Variants in ACADL observed in about 807,000 individuals in gnomAD.
ACADL encodes the protein acyl-CoA dehydrogenase long chain.
A neutral mutation model predicts 56.9 loss-of-function variants in ACADL; 60 were observed. That is an observed-to-expected ratio of 1.05 (90% CI 0.86 to 1.31). The LOEUF is 1.31. Ranked by LOEUF, ACADL falls within the 50% of genes most tolerant of loss-of-function variation. The pLI is 0.00. For synonymous variants in ACADL, 158 were observed against 179.7 expected (o/e 0.88, Z 0.97); for missense variants, 484 against 525.5 (o/e 0.92, Z 0.77).
intron 2 of ACADL, chr2:210,218,325 G>C (rs1689123368): frequency 4.5e-6 from 2 of 441,966 alleles, no homozygotes; most frequent in East Asian, 8.8e-5. Flanking sequence ...CTGTCACCCA[G>C]GCTGGTGTGC....
At chr2:210,190,901 T>TTTG (rs1158751817) in intron 10 of ACADL, among the ~76,000 whole-genome samples, 686 of 139,596 alleles carry the variant, frequency 4.9e-3, no homozygotes, top group East Asian at 0.015. Flanking sequence ...ATGTGGCTTT[T>TTTG]TTGTTGTTGT....
At chr2:210,211,675 T>C (rs62202972) in intron 4 of ACADL, among the ~76,000 whole-genome samples, 132,395 of 152,108 alleles carry the variant, frequency 0.87, 57,898 homozygotes, top group East Asian at 1. Context: ...GTAAGTTTCC[T>C]GAGGCCTCCC....
At chr2:210,215,463 A>G (rs1689070701) in intron 4 of ACADL, among the ~76,000 whole-genome samples, 1 of 152,296 alleles carries the variant, frequency 6.6e-6, no homozygotes, top group South Asian at 2.1e-4. Flanking sequence ...AGATTTCTTT[A>G]AAACTCTCAA....
intron 1 of ACADL, among the ~76,000 whole-genome samples, chr2:210,222,383 TTGG>T (rs1689189403): frequency 1.3e-5 from 2 of 151,682 alleles, no homozygotes; most frequent in Admixed American, 1.3e-4. Context: ...TAGGCGGGGC[TTGG>T]TGGCTCACAC....
At chr2:210,203,184 C>T (rs1271380848) in intron 8 of ACADL, 147 bp downstream of exon 8, 4 of 679,252 alleles carry the variant, frequency 5.9e-6, no homozygotes, top group Non-Finnish European at 8.1e-6. Flanking sequence ...GTCTTACTCT[C>T]TACTATCTCT....
At chr2:210,220,537 A>G in intron 2 of ACADL, 110 bp downstream of exon 2, 4 of 998,718 alleles carry the variant, frequency 4.0e-6, no homozygotes, top group East Asian at 2.5e-5. Context: ...AAAAATGTTA[A>G]TAAAGCCCTG....
intron 8 of ACADL, among the ~76,000 whole-genome samples, chr2:210,203,084 C>T (rs1485670145): frequency 6.6e-6 from 1 of 152,168 alleles, no homozygotes; most frequent in Non-Finnish European, 1.5e-5. Flanking sequence ...CTTACAGGCT[C>T]CTCCTTTTCA....
At chr2:210,214,442 C>T (rs16844213) in intron 4 of ACADL, among the ~76,000 whole-genome samples, 127,863 of 148,784 alleles carry the variant, frequency 0.86, 55,277 homozygotes, top group East Asian at 1. Flanking sequence ...ACTATATCCT[C>T]TCATGACTTT....
chr2:210,220,543 C>A, intron 2 of ACADL, 104 bp downstream of exon 2: 1 of 1,043,976 alleles, frequency 9.6e-7, no homozygotes, highest in Non-Finnish European at 1.5e-6. Flanking sequence ...GTTAATAAAG[C>A]CCTGAACATA....
intron 5 of ACADL, among the ~76,000 whole-genome samples, chr2:210,209,009 A>G (rs1575677206): frequency 1.3e-5 from 2 of 152,318 alleles, no homozygotes; most frequent in East Asian, 3.9e-4. Flanking sequence ...TTCACTTCTG[A>G]CCAAATATCC....
chr2:210,195,636 G>T (rs1688698799), intron 8 of ACADL, among the ~76,000 whole-genome samples: 1 of 152,140 alleles, frequency 6.6e-6, no homozygotes, highest in South Asian at 2.1e-4. Context: ...AAAACAGCAT[G>T]ACTTTAATGT....
intron 2 of ACADL, among the ~76,000 whole-genome samples, chr2:210,219,663 G>A (rs774145438): frequency 3.9e-5 from 6 of 152,034 alleles, no homozygotes; most frequent in Non-Finnish European, 5.9e-5. Context: ...TTTAAAGTAC[G>A]GATGTCTCTG....
intron 6 of ACADL, among the ~76,000 whole-genome samples, chr2:210,205,193 A>G (rs1048177619): frequency 4.0e-5 from 6 of 151,724 alleles, no homozygotes; most frequent in African/African-American, 1.5e-4. Context: ...CACCCAGCTA[A>G]TTTTTTATTA....
At chr2:210,224,116 G>C (rs1206617701) in intron 1 of ACADL, among the ~76,000 whole-genome samples, 1 of 148,814 alleles carries the variant, frequency 6.7e-6, no homozygotes, top group East Asian at 2.0e-4. Flanking sequence ...AGCTACTCAG[G>C]AAAGCTGAGG....
intron 2 of ACADL, among the ~76,000 whole-genome samples, chr2:210,220,392 A>G (rs1434384248): frequency 1.3e-5 from 2 of 152,148 alleles, no homozygotes; most frequent in African/African-American, 4.8e-5. Context: ...CCACTTACCC[A>G]TGGTTTTCAA....
chr2:210,224,380 T>C, intron 1 of ACADL: 2 of 985,180 alleles, frequency 2.0e-6, no homozygotes, highest in African/African-American at 3.5e-5. Context: ...AGCTCTCAAA[T>C]AAAATTAGAG....
Position 210,225,231 on chromosome 2 carries a change from G to A in ACADL, c.33C>T (p.Arg11=), listed in dbSNP as rs891336471. The change falls in exon 1 of 11, where the codon CGC becomes CGT. Residue 11 remains arginine (R), a synonymous_variant. Transcript: ENST00000233710. ...GCGGCGCACGGTGGCCGCCCAGGACGCGTAGGGACCCTCGGAGAAGGCGTG... is the reference window on the plus strand; with the variant it reads ...GCGGCGCACGGTGGCCGCCCAGGACACGTAGGGACCCTCGGAGAAGGCGTG... MAARLLRGSL[R]VLGGHRAPRQ... is the part of the protein sequence containing the mutation. 6.4e-7 allele frequency: 1 copy of A among 1,554,218 alleles called. No individual in the cohort carries two copies. Among genetic ancestry groups the A allele is most frequent in the Admixed American group, 1.9e-5 (1 of 53,494 alleles).
intron 8 of ACADL, among the ~76,000 whole-genome samples, chr2:210,199,548 G>A (rs1575673277): frequency 6.6e-6 from 1 of 151,666 alleles, no homozygotes; most frequent in East Asian, 1.9e-4. Flanking sequence ...TTCCTTCATG[G>A]TTAAATGTCA....
chr2:210,218,934 G>A (rs774852034), intron 2 of ACADL, among the ~76,000 whole-genome samples: 1 of 152,168 alleles, frequency 6.6e-6, no homozygotes, highest in East Asian at 1.9e-4. Context: ...TTTGTGTAAG[G>A]TAGGCAACCT....
Sources: gnomAD v4.1 joint callset for allele counts (sites outside exome capture counted in the v4.1 genomes callset) on GRCh38, gnomAD v4.1.1 for gene constraint, MANE v1.5 for transcripts, NCBI Gene and HGNC (gene_info 2026-07-23, HGNC 2026-07-21) for gene names.